The following USH2A variants were observed in gnomAD, a reference collection of about 807,000 sequenced individuals.
The protein encoded by USH2A is usherin, also known as Usher syndrome 2A (autosomal recessive, mild).
In USH2A, 443 loss-of-function variants were observed where a neutral mutation model predicts 538.9. The observed-to-expected ratio is 0.82, with a 90% confidence interval of 0.76 to 0.89. The LOEUF is 0.89. Ranked by LOEUF, USH2A falls within the 40% of genes least tolerant of loss-of-function variation. The probability of loss-of-function intolerance (pLI) is 0.00; values close to 1 mark genes in which losing one functional copy is unlikely to be tolerated. For synonymous variants in USH2A, 2,413 were observed against 2,273.5 expected, an observed-to-expected ratio of 1.06 and a Z score of -1.75; for missense variants, 6,633 against 6,324.8, an observed-to-expected ratio of 1.05 and a Z score of -1.65.
chr1:215,855,989 A>T (rs1664155602), intron 44 of USH2A, among the ~76,000 whole-genome samples: 1 of 152,224 alleles, frequency 6.6e-6, no homozygotes, highest in Non-Finnish European at 1.5e-5. Context: ...CCACATGTAG[A>T]AGAATGAAAC....
chr1:216,076,321 T>C (rs964484274), intron 27 of USH2A, among the ~76,000 whole-genome samples: 27 of 152,174 alleles, frequency 1.8e-4, no homozygotes, highest in Admixed American at 1.3e-3. Flanking sequence ...TACTCACTAA[T>C]AAAATATCTT....
intron 26 of USH2A, among the ~76,000 whole-genome samples, chr1:216,082,475 A>G (rs1440197289): frequency 1.3e-5 from 2 of 151,940 alleles, no homozygotes; most frequent in African/African-American, 4.8e-5. Context: ...AAAAAAAAAA[A>G]AAAAGATGAA....
chr1:215,702,034 C>T (rs1558061173), intron 61 of USH2A, among the ~76,000 whole-genome samples: 1 of 152,190 alleles, frequency 6.6e-6, no homozygotes, highest in Non-Finnish European at 1.5e-5. Flanking sequence ...AATCTCTCAG[C>T]ATTTGCTTAT....
rs747821899 is a variant in USH2A at position 215,640,666 on chromosome 1, T to C, written c.14860A>G (p.Thr4954Ala). ...TTCAGTTGGCCGTTCAGGAGGAAGG[T>C]GTCACTCCAGTTCACACACACCACA... ...LSVVCVNWSDTFLLNGQLKEY... is the reference protein window; with the variant it reads ...LSVVCVNWSDAFLLNGQLKEY... The change falls in exon 68 of 72, where the codon ACC becomes GCC. Residue 4954 changes from threonine to alanine, a missense_variant. Thr to Ala is a moderately conservative substitution (Grantham distance 58). Transcript: ENST00000307340. 2 of 1,613,490 alleles carry C rather than the reference T, an allele frequency of 1.2e-6. No individual in the cohort carries two copies. Among genetic ancestry groups the C allele is most frequent in the South Asian group, 1.1e-5 (1 of 91,014 alleles).
chr1:216,422,011 A>C lies in USH2A; in HGVS notation c.326T>G (p.Ile109Ser). ...ALFSAGLSSC[I>S]TPDKNDLHPN... ...ATGCAGATCATTCTTGTCTGGTGTG[A>C]TGCAGCTACTGAGGCCTGCTGAGAA... Residue 109 changes from isoleucine to serine, a missense_variant, in exon 2 of 72, where the codon ATC (isoleucine) becomes AGC (serine). Coordinates refer to ENST00000307340, the MANE Select transcript of USH2A (RefSeq NM_206933.4). The C allele has an allele frequency of 6.2e-7, 1 of 1,613,946 alleles. No homozygotes were observed. The highest frequency in any genetic ancestry group is 8.5e-7 in the Non-Finnish European group (1 of 1,179,920).
Position 215,917,502 on chromosome 1 carries a change from A to G in USH2A, c.7301-16597T>C, listed in dbSNP as rs1406282292. 2.6e-5 allele frequency among the ~76,000 whole-genome samples: 4 copies of G among 152,150 alleles called. No homozygotes were observed. The East Asian group carries it at 5.8e-4, about 22-fold the overall frequency. On this transcript the variant is annotated intron_variant, in intron 38 of 71. Coordinates refer to ENST00000307340, the MANE Select transcript of USH2A (RefSeq NM_206933.4). ...GACTTCATTTAAAATAATTCACTGA[A>G]GAATTTAGTCTTTGTGAAATTAAAA...
Position 215,642,786 on chromosome 1 carries a change from T to A in USH2A, c.14792-2052A>T, listed in dbSNP as rs190249426. The stretch of plus-strand genomic sequence containing the variant: ...TCACTTGAGAGCAGTAATGGGGGTA[T>A]TCACACCATGGAAACTGATAAGCAC... On this transcript the variant is annotated intron_variant, in intron 67 of 71. Transcript: ENST00000307340. 5.1e-4 allele frequency among the ~76,000 whole-genome samples: 78 copies of A among 152,138 alleles called. No individual in the cohort carries two copies. In the Middle Eastern group the frequency reaches 0.01, roughly 20 times the overall value.
Position 216,044,733 on chromosome 1 carries a change from G to A in USH2A, c.6325+1698C>T, listed in dbSNP as rs144165365. ...TAAGACCACATTCTTCAACACAGCCGGAATGCTTGGGTTAGTACCAAAGCC... is the reference window on the plus strand; with the variant it reads ...TAAGACCACATTCTTCAACACAGCCAGAATGCTTGGGTTAGTACCAAAGCC... On this transcript the variant is annotated intron_variant, in intron 32 of 71. Transcript: ENST00000307340. 3.7e-3 allele frequency among the ~76,000 whole-genome samples: 565 copies of A among 152,180 alleles called. 3 individuals carry two copies. The highest frequency in any genetic ancestry group is 0.013 in the African/African-American group (545 of 41,538).
chr1:215,720,085 C>T (rs990095590), intron 61 of USH2A, among the ~76,000 whole-genome samples: 15 of 152,138 alleles, frequency 9.9e-5, no homozygotes, highest in Admixed American at 6.5e-5. Context: ...CTAGACATAT[C>T]ACTGCATGAC....
At position 216,048,639 on chromosome 1, in the gene USH2A, T is replaced by G. The variant is rs778922751; in HGVS notation, c.6058A>C (p.Thr2020Pro). 1 of 1,613,968 alleles carries G rather than the reference T, an allele frequency of 6.2e-7. No individual in the cohort carries two copies. The highest frequency in any genetic ancestry group is 1.1e-5 in the South Asian group (1 of 91,080). The change falls in exon 31 of 72, where the codon ACA becomes CCA. Residue 2020 changes from threonine (T) to proline (P), a missense_variant. Transcript: ENST00000307340. ...VNTSNLTGIL[T>P]GLLPFKNYAV... Reference sequence around the variant, plus strand: ...TAGTTTTTGAAGGGTAGCAAGCCTGTCAATATGCCTATAATAAAAAGGGAC... The same window carrying G: ...TAGTTTTTGAAGGGTAGCAAGCCTGGCAATATGCCTATAATAAAAAGGGAC...
chr1:215,845,824 C>G lies in USH2A; in HGVS notation c.9055G>C (p.Glu3019Gln). The G allele has an allele frequency of 6.2e-7, 1 of 1,613,278 alleles. No individual in the cohort carries two copies. Among genetic ancestry groups the G allele is most frequent in the Non-Finnish European group, 8.5e-7 (1 of 1,179,616 alleles). ...AGLHATTCDG[E>Q]PQGMLPPEVV... Reference sequence around the variant, plus strand: ...AATATCCTTTAGAATCTGGACTCACCCCCATCGCAAGTGGTTGCATGAAGT... The same window carrying G: ...AATATCCTTTAGAATCTGGACTCACGCCCATCGCAAGTGGTTGCATGAAGT... The change falls in exon 45 of 72, where the codon GAG becomes CAG. Residue 3019 changes from glutamate to glutamine, a missense_variant and splice_region_variant. Glu to Gln is a conservative substitution (Grantham distance 29, BLOSUM62 2). Coordinates refer to ENST00000307340, the MANE Select transcript of USH2A (RefSeq NM_206933.4).
intron 38 of USH2A, among the ~76,000 whole-genome samples, chr1:215,901,991 C>G (rs1037063842): frequency 2.6e-5 from 4 of 152,000 alleles, no homozygotes; most frequent in Non-Finnish European, 4.4e-5. Flanking sequence ...AAATAAAGCA[C>G]CTGATTTTAG....
intron 35 of USH2A, among the ~76,000 whole-genome samples, chr1:215,971,983 T>C (rs1284387632): frequency 6.6e-6 from 1 of 152,168 alleles, no homozygotes; most frequent in East Asian, 1.9e-4. Flanking sequence ...GTGATTGCTA[T>C]TGGTAATGAA....
chr1:216,058,618 A>T (rs2031063240), intron 30 of USH2A, among the ~76,000 whole-genome samples: 1 of 151,584 alleles, frequency 6.6e-6, no homozygotes. Context: ...CTACCAACAT[A>T]TTTTTTTTCT....
chr1:216,048,615 A>G lies in USH2A; in HGVS notation c.6082T>C (p.Tyr2028His), dbSNP rs2030623742. The change falls in exon 31 of 72, where the codon TAT becomes CAT. Residue 2028 changes from tyrosine to histidine, a missense_variant. Physicochemically the swap from Tyr to His is moderately conservative, Grantham distance 83 (BLOSUM62 2). Coordinates refer to ENST00000307340, the MANE Select transcript of USH2A (RefSeq NM_206933.4). ...GTGCAAGCAGTTAGGGTTACTGCATAGTTTTTGAAGGGTAGCAAGCCTGTC... is the reference window on the plus strand; with the variant it reads ...GTGCAAGCAGTTAGGGTTACTGCATGGTTTTTGAAGGGTAGCAAGCCTGTC... ...ILTGLLPFKN[Y>H]AVTLTACTLA... The G allele has an allele frequency of 6.2e-7, 1 of 1,614,160 alleles. No individual in the cohort carries two copies. The highest frequency in any genetic ancestry group is 8.5e-7 in the Non-Finnish European group (1 of 1,179,994).
chr1:215,685,758 G>A (rs1658405733), intron 61 of USH2A, among the ~76,000 whole-genome samples: 1 of 152,058 alleles, frequency 6.6e-6, no homozygotes, highest in South Asian at 2.1e-4. Context: ...CTTGGCATGA[G>A]ACTTCCAAGC....
chr1:216,369,884 T>G (rs2038668961), intron 3 of USH2A, among the ~76,000 whole-genome samples: 1 of 148,648 alleles, frequency 6.7e-6, no homozygotes. Flanking sequence ...GATGGCGCCA[T>G]TGCACTACAG....
chr1:216,371,223 G>C (rs1390234333), intron 3 of USH2A, among the ~76,000 whole-genome samples: 5 of 152,160 alleles, frequency 3.3e-5, no homozygotes, highest in Admixed American at 6.5e-5. Flanking sequence ...CCTTTTCCAT[G>C]TGAGAGCTTA....
intron 32 of USH2A, among the ~76,000 whole-genome samples, chr1:216,020,499 T>C (rs1022087135): frequency 6.6e-6 from 1 of 152,108 alleles, no homozygotes; most frequent in African/African-American, 2.4e-5. Flanking sequence ...TAAGAAGATA[T>C]TTGGTCTTTG....
Sources: allele counts gnomAD v4.1 joint callset (sites outside exome capture counted in the v4.1 genomes callset), GRCh38; gene constraint gnomAD v4.1.1; transcripts MANE v1.5; gene names NCBI Gene and HGNC (gene_info 2026-07-23, HGNC 2026-07-21).